Variants in AGMO observed in about 807,000 individuals in gnomAD.
AGMO encodes glyceryl-ether monooxygenase.
Under a neutral mutation model 60.2 loss-of-function variants are expected in AGMO, and 75 were observed. That is an observed-to-expected ratio of 1.25 (90% CI 1.03 to 1.51). The LOEUF is 1.51. Among genes scored for constraint, AGMO ranks in the 40% most tolerant of loss-of-function variants. The probability of loss-of-function intolerance (pLI) is 0.00; values close to 1 mark genes in which losing one functional copy is unlikely to be tolerated. For missense variants in AGMO, 763 were observed against 525.5 expected (o/e 1.45, Z -4.42); for synonymous variants, 261 against 177.1 (o/e 1.47, Z -3.76).
rs28550342 is a variant in AGMO at position 15,395,472 on chromosome 7, T to C, written c.610-1293A>G. 1.6e-3 allele frequency among the ~76,000 whole-genome samples: 244 copies of C among 152,244 alleles called. 1 individual carries two copies. The highest frequency in any genetic ancestry group is 5.6e-3 in the African/African-American group (233 of 41,564). On this transcript the variant is annotated intron_variant, in intron 5 of 12. Transcript: ENST00000342526. ...AAATTTATAATAAACAGGGTATTAA[T>C]AGGAAAAAATATTTTCATTGGGAGT...
chr7:15,420,970 A>G (rs1780906586), intron 4 of AGMO, among the ~76,000 whole-genome samples: 1 of 152,218 alleles, frequency 6.6e-6, no homozygotes, highest in Admixed American at 6.6e-5. Flanking sequence ...GTTTGAGGAA[A>G]GAATGAATAC....
chr7:15,159,458 C>T, the AGMO span, among the ~76,000 whole-genome samples: 1 of 152,118 alleles, frequency 6.6e-6, no homozygotes, highest in Admixed American at 6.6e-5. Flanking sequence ...GGGCATGAGT[C>T]CAGGACTGGA....
chr7:15,182,945 A>G, the AGMO span, among the ~76,000 whole-genome samples: 2 of 151,970 alleles, frequency 1.3e-5, no homozygotes, highest in South Asian at 2.1e-4. Flanking sequence ...GAGGTGCTAC[A>G]TATTTTTAAA....
chr7:15,170,205 T>C, the AGMO span, among the ~76,000 whole-genome samples: 25 of 151,962 alleles, frequency 1.6e-4, no homozygotes, highest in East Asian at 1.4e-3. Context: ...AAAGGGAGAG[T>C]GAGACGTTCC....
At chr7:15,138,999 C>G in the AGMO span, among the ~76,000 whole-genome samples, 1 of 152,090 alleles carries the variant, frequency 6.6e-6, no homozygotes, top group Non-Finnish European at 1.5e-5. Context: ...ACTAACCACC[C>G]AAATTAAGAT....
chr7:15,247,447 CACACACACACACAG>C (rs1782775675), intron 12 of AGMO, among the ~76,000 whole-genome samples: 1 of 136,538 alleles, frequency 7.3e-6, no homozygotes, highest in African/African-American at 2.9e-5. Flanking sequence ...CACACACACA[CACACACACACACAG>C]AGAGAGAGAG....
chr7:15,529,083 G>A (rs950746150), intron 3 of AGMO, among the ~76,000 whole-genome samples: 2 of 152,198 alleles, frequency 1.3e-5, no homozygotes, highest in South Asian at 2.1e-4. Context: ...TAATTAAAAC[G>A]TTCAAAACAG....
intron 12 of AGMO, among the ~76,000 whole-genome samples, chr7:15,267,400 G>A (rs1783463977): frequency 6.6e-6 from 1 of 151,938 alleles, no homozygotes; most frequent in Non-Finnish European, 1.5e-5. Context: ...GAAAAAAAGT[G>A]AGCTTCTCAA....
chr7:15,345,620 C>T (rs1216030723), intron 12 of AGMO, among the ~76,000 whole-genome samples: 1 of 152,192 alleles, frequency 6.6e-6, no homozygotes, highest in African/African-American at 2.4e-5. Context: ...TTCCCAATAT[C>T]TATCTTGGTA....
At chr7:15,438,268 T>A (rs1583552986) in intron 3 of AGMO, among the ~76,000 whole-genome samples, 1 of 151,722 alleles carries the variant, frequency 6.6e-6, no homozygotes, top group Non-Finnish European at 1.5e-5. Flanking sequence ...GTAATAATAA[T>A]AAATATTAGT....
intron 12 of AGMO, among the ~76,000 whole-genome samples, chr7:15,362,516 C>G (rs1770130181): frequency 1.3e-5 from 2 of 152,092 alleles, no homozygotes; most frequent in Non-Finnish European, 2.9e-5. Context: ...ATGTTCTCTC[C>G]TTTGTGGCAC....
chr7:15,554,269 C>G lies in AGMO; in HGVS notation c.257+5872G>C, dbSNP rs546305618. On this transcript the variant is annotated intron_variant, in intron 2 of 12. Coordinates refer to ENST00000342526, the MANE Select transcript of AGMO (RefSeq NM_001004320.2). The stretch of plus-strand genomic sequence containing the variant: ...CTCTGCACCCTGGAATTTAAACTGT[C>G]TAAACTCCATCCTGTGGGAAGAGGC... Among the ~76,000 whole-genome samples the G allele has an allele frequency of 3.9e-5, 6 of 152,154 alleles. No individual in the cohort carries two copies. In the South Asian group the frequency reaches 1.0e-3, roughly 26 times the overall value.
intron 10 of AGMO, among the ~76,000 whole-genome samples, chr7:15,379,200 G>A (rs934978612): frequency 1.3e-5 from 2 of 151,852 alleles, no homozygotes; most frequent in South Asian, 2.1e-4. Context: ...CTAGTATCAC[G>A]ACTAAATAAC....
At chr7:15,442,496 T>A (rs188145509) in intron 3 of AGMO, among the ~76,000 whole-genome samples, 31 of 152,302 alleles carry the variant, frequency 2.0e-4, no homozygotes, top group Admixed American at 4.6e-4. Flanking sequence ...CCTCATGTCA[T>A]ACCCTTATAT....
At chr7:15,554,019 A>G (rs1447209483) in intron 2 of AGMO, among the ~76,000 whole-genome samples, 1 of 152,154 alleles carries the variant, frequency 6.6e-6, no homozygotes, top group Non-Finnish European at 1.5e-5. Flanking sequence ...CCCTTTTATT[A>G]CATATGTGAA....
chr7:15,329,794 T>G (rs1028041715), intron 12 of AGMO, among the ~76,000 whole-genome samples: 34 of 152,128 alleles, frequency 2.2e-4, no homozygotes, highest in Non-Finnish European at 4.4e-5. Context: ...CAAAACTCTC[T>G]CTGGGAATTC....
intron 2 of AGMO, among the ~76,000 whole-genome samples, chr7:15,548,875 A>C (rs1275257512): frequency 6.6e-6 from 1 of 152,050 alleles, no homozygotes; most frequent in African/African-American, 2.4e-5. Context: ...GAGATTCACC[A>C]AAGTTGAAAT....
At chr7:15,356,910 C>A (rs1782552837) in intron 12 of AGMO, among the ~76,000 whole-genome samples, 1 of 148,318 alleles carries the variant, frequency 6.7e-6, no homozygotes, top group South Asian at 2.1e-4. Context: ...GTGTTCGAGA[C>A]CAGCCTGGCC....
intron 12 of AGMO, among the ~76,000 whole-genome samples, chr7:15,349,388 T>C (rs779218643): frequency 5.4e-4 from 82 of 152,148 alleles, no homozygotes; most frequent in Admixed American, 2.6e-3. Context: ...ACTTTGATTA[T>C]TCATTTTTTT....
Sources: allele counts gnomAD v4.1 joint callset (sites outside exome capture counted in the v4.1 genomes callset), GRCh38; gene constraint gnomAD v4.1.1; transcripts MANE v1.5; gene names NCBI Gene and HGNC (gene_info 2026-07-23, HGNC 2026-07-21).